Variants in DNAI7 observed in about 807,000 individuals in gnomAD.
The protein encoded by DNAI7 is cancer susceptibility 1.
DNAI7 carries 78 observed loss-of-function variants against 86.6 expected under a neutral mutation model. The ratio of observed to expected loss-of-function variants is 0.90; its 90% CI spans 0.75 to 1.09. DNAI7 has a LOEUF of 1.09. DNAI7 is among the 50% of genes least tolerant of loss of function. The pLI is 0.00. For missense variants in DNAI7, 753 were observed against 810.2 expected, an observed-to-expected ratio of 0.93 and a Z score of 0.86; for synonymous variants, 274 against 273.0, an observed-to-expected ratio of 1.00 and a Z score of -0.04.
rs1333773425 is a variant in DNAI7, at chr12:25,154,525, T to C, written c.301-69A>G. ...AACCAAAGATTAAATGACTTCTTTT[T>C]TGAAGGTGAATTTTTATAACCTAGT... is the stretch of plus-strand genomic sequence containing the variant. On this transcript the variant is annotated intron_variant, in intron 5 of 15. Transcript: ENST00000395987. The C allele has an allele frequency of 3.3e-6, 5 of 1,523,148 alleles. No homozygotes were observed. In the Admixed American group the frequency reaches 9.2e-5, roughly 28 times the overall value. 94.4% of individuals were successfully genotyped at this position (1,523,148 alleles called of 1,614,324 possible). A position where few individuals can be genotyped will look rare whatever the true frequency, so the allele number is the denominator to read the frequency against.
At chr12:25,188,912 T>G (rs533216767) in intron 2 of DNAI7, among the ~76,000 whole-genome samples, 10 of 152,316 alleles carry the variant, frequency 6.6e-5, no homozygotes, top group African/African-American at 2.2e-4. Context: ...AATGAATGAT[T>G]ACAGAGACAC....
downstream of DNAI7, among the ~76,000 whole-genome samples, chr12:25,107,263 T>A (rs1949236596): frequency 1.3e-5 from 2 of 152,224 alleles, no homozygotes; most frequent in African/African-American, 4.8e-5. Flanking sequence ...CTGTAATATA[T>A]GTTATATTCT....
chr12:25,163,009 G>A (rs942239484), intron 2 of DNAI7, among the ~76,000 whole-genome samples: 4 of 152,192 alleles, frequency 2.6e-5, no homozygotes, highest in African/African-American at 7.2e-5. Context: ...TGAAGGGAGC[G>A]ATCTGCTCCT....
intron 9 of DNAI7, among the ~76,000 whole-genome samples, chr12:25,141,910 T>C (rs1452431995): frequency 3.3e-5 from 5 of 152,098 alleles, no homozygotes; most frequent in Admixed American, 6.5e-5. Flanking sequence ...AAGAGAACAC[T>C]TTTACACTGA....
intron 9 of DNAI7, among the ~76,000 whole-genome samples, chr12:25,136,440 A>G (rs983588025): frequency 2.0e-5 from 3 of 152,198 alleles, no homozygotes; most frequent in Non-Finnish European, 4.4e-5. Flanking sequence ...TTCCTCTCAT[A>G]TAGTTTACCC....
chr12:25,168,514 C>T (rs978438050), intron 2 of DNAI7, among the ~76,000 whole-genome samples: 5 of 152,190 alleles, frequency 3.3e-5, no homozygotes, highest in Admixed American at 6.5e-5. Context: ...AGACATCCCA[C>T]AAACTTTATC....
rs1239502397 is a variant in DNAI7 at position 25,174,614 on chromosome 12, T to TGG, written c.22-13418_22-13417insCC. Among the ~76,000 whole-genome samples, 293 of 118,972 alleles carry TGG rather than the reference T, an allele frequency of 2.5e-3. 39 individuals are homozygous for TGG. In the East Asian group the frequency reaches 0.028, roughly 11 times the overall value. 78.1% of individuals were successfully genotyped at this position (118,972 alleles called of 152,430 possible). ...ATGGGATATATATATGATATATATA[T>TGG]CATATATATGGGATATATATCATAT... On this transcript the variant is annotated intron_variant, in intron 2 of 15. Coordinates refer to ENST00000395987, the MANE Select transcript of DNAI7 (RefSeq NM_018272.5).
At chr12:25,152,203 C>A (rs553304189) in intron 6 of DNAI7, among the ~76,000 whole-genome samples, 14 of 152,212 alleles carry the variant, frequency 9.2e-5, no homozygotes, top group African/African-American at 2.2e-4. Context: ...CCCTTTTCAA[C>A]CTCACCTGAG....
intron 2 of DNAI7, among the ~76,000 whole-genome samples, chr12:25,163,705 T>C (rs1357787645): frequency 6.6e-6 from 1 of 152,150 alleles, no homozygotes; most frequent in East Asian, 1.9e-4. Context: ...ATGAGAAAGA[T>C]TCACCTACGA....
At chr12:25,189,687 G>C (rs1950333829) in intron 2 of DNAI7, among the ~76,000 whole-genome samples, 1 of 151,950 alleles carries the variant, frequency 6.6e-6, no homozygotes, top group Non-Finnish European at 1.5e-5. Context: ...GAGTATAATT[G>C]ATCTGTAAAA....
At chr12:25,191,797 G>A (rs1950545326) in intron 1 of DNAI7, among the ~76,000 whole-genome samples, 1 of 152,146 alleles carries the variant, frequency 6.6e-6, no homozygotes, top group Admixed American at 6.5e-5. Context: ...TTCTTTTCTG[G>A]AAATTATTTT....
chr12:25,175,261 T>C (rs1009939766), intron 2 of DNAI7, among the ~76,000 whole-genome samples: 3 of 152,136 alleles, frequency 2.0e-5, no homozygotes, highest in African/African-American at 7.2e-5. Context: ...ACTGAAAAAA[T>C]AGAAGTTTTC....
At chr12:25,155,548 T>C in intron 4 of DNAI7, 136 bp from the exon 5 acceptor site, 2 of 488,260 alleles carry the variant, frequency 4.1e-6, no homozygotes, top group Non-Finnish European at 7.2e-6. Flanking sequence ...TGAATATAAC[T>C]GATATCTCCA....
At chr12:25,130,416 A>C (rs1429849637) in intron 9 of DNAI7, among the ~76,000 whole-genome samples, 1 of 152,086 alleles carries the variant, frequency 6.6e-6, no homozygotes, top group African/African-American at 2.4e-5. Context: ...GGGTGCCTGT[A>C]GTCCCAGCTA....
chr12:25,151,860 G>T lies in DNAI7; in HGVS notation c.439-2086C>A, dbSNP rs903676146. The stretch of plus-strand genomic sequence containing the variant: ...AATCTTGTTGTTTAGATTAAATCTC[G>T]CAATGCATGGTATGAGCTTAAAAGA... On this transcript the variant is annotated intron_variant, in intron 6 of 15. Coordinates refer to ENST00000395987, the MANE Select transcript of DNAI7 (RefSeq NM_018272.5). Among the ~76,000 whole-genome samples the T allele has an allele frequency of 2.6e-5, 4 of 152,064 alleles. No homozygotes were observed. The East Asian group carries it at 7.7e-4, about 29-fold the overall frequency.
chr12:25,109,814 G>T (rs1231061888), intron 15 of DNAI7, among the ~76,000 whole-genome samples: 1 of 152,016 alleles, frequency 6.6e-6, no homozygotes, highest in Non-Finnish European at 1.5e-5. Flanking sequence ...GAGTAGCTGG[G>T]ATTACAGGCA....
At chr12:25,126,863 A>T (rs1349423379) in intron 9 of DNAI7, among the ~76,000 whole-genome samples, 1 of 152,078 alleles carries the variant, frequency 6.6e-6, no homozygotes, top group Non-Finnish European at 1.5e-5. Flanking sequence ...AAAGTTGAGA[A>T]CTCTTCAAAG....
At chr12:25,145,421 A>C (rs1467851217) in intron 8 of DNAI7, among the ~76,000 whole-genome samples, 2 of 152,310 alleles carry the variant, frequency 1.3e-5, no homozygotes, top group East Asian at 1.9e-4. Context: ...CGTAAAAGAC[A>C]CCACCTAATT....
At chr12:25,157,277 CAAAAAAAAAAA>C (rs34695125) in intron 4 of DNAI7, among the ~76,000 whole-genome samples, 1 of 89,032 alleles carries the variant, frequency 1.1e-5, no homozygotes, top group African/African-American at 4.6e-5. Context: ...GACTCCGTCT[CAAAAAAAAAAA>C]AAAAAAAAAA....
Sources: allele counts gnomAD v4.1 joint callset (sites outside exome capture counted in the v4.1 genomes callset), GRCh38; gene constraint gnomAD v4.1.1; transcripts MANE v1.5; gene names NCBI Gene and HGNC (gene_info 2026-07-23, HGNC 2026-07-21).